The following TPST1 variants were observed in gnomAD, a reference collection of about 807,000 sequenced individuals.
The protein encoded by TPST1 is tyrosylprotein sulfotransferase 1.
In TPST1, 20 loss-of-function variants were observed where a neutral mutation model predicts 34.8. The ratio of observed to expected loss-of-function variants is 0.57; its 90% CI spans 0.40 to 0.84. The LOEUF is 0.84. TPST1 is among the 40% of genes least tolerant of loss of function. The pLI is 0.00. For synonymous variants in TPST1, 152 were observed against 159.4 expected (o/e 0.95, Z 0.35); for missense variants, 353 against 455.5 (o/e 0.78, Z 2.05).
At chr7:66,224,979 A>C (rs1789621856) in intron 1 of TPST1, among the ~76,000 whole-genome samples, 1 of 125,762 alleles carries the variant, frequency 8.0e-6, no homozygotes, top group Admixed American at 1.1e-4. Flanking sequence ...GTGCAATGGC[A>C]CGATCTTGGC....
At chr7:66,286,379 T>C in intron 2 of TPST1, 132 bp from the exon 3 acceptor site, 1 of 624,564 alleles carries the variant, frequency 1.6e-6, no homozygotes, top group Non-Finnish European at 2.4e-6. Flanking sequence ...CAAACCTGAT[T>C]AGTGCCCTCT....
At chr7:66,357,209 C>G (rs1792599330) in intron 5 of TPST1, among the ~76,000 whole-genome samples, 1 of 152,182 alleles carries the variant, frequency 6.6e-6, no homozygotes, top group Non-Finnish European at 1.5e-5. Context: ...TCAAGCCCAA[C>G]TCCCTGTTTA....
At chr7:66,228,361 G>C (rs896064171) in intron 1 of TPST1, among the ~76,000 whole-genome samples, 16 of 152,156 alleles carry the variant, frequency 1.1e-4, no homozygotes, top group African/African-American at 3.9e-4. Context: ...ATTTTTGAAA[G>C]AAGTTGAATC....
At chr7:66,333,494 A>G (rs1222670433) in intron 3 of TPST1, among the ~76,000 whole-genome samples, 1 of 152,218 alleles carries the variant, frequency 6.6e-6, no homozygotes, top group Non-Finnish European at 1.5e-5. Flanking sequence ...TAAGAAAGCA[A>G]TCTCTGTGTC....
chr7:66,265,935 C>T (rs1312938302), intron 2 of TPST1, among the ~76,000 whole-genome samples: 1 of 152,194 alleles, frequency 6.6e-6, no homozygotes, highest in Admixed American at 6.5e-5. Context: ...AGATATTCCT[C>T]ATAAACCAAA....
At chr7:66,209,144 G>A (rs1231178948) in intron 1 of TPST1, among the ~76,000 whole-genome samples, 3 of 151,968 alleles carry the variant, frequency 2.0e-5, no homozygotes, top group African/African-American at 7.2e-5. Flanking sequence ...GTGGTGGTGG[G>A]CGCCTGTAAT....
At chr7:66,352,967 C>G in intron 4 of TPST1, 1 of 985,276 alleles carries the variant, frequency 1.0e-6, no homozygotes, top group Non-Finnish European at 1.2e-6. Context: ...CATTTGGAGC[C>G]CAGATGACTT....
intron 1 of TPST1, among the ~76,000 whole-genome samples, chr7:66,213,153 T>A (rs1276482303): frequency 6.6e-6 from 1 of 152,202 alleles, no homozygotes; most frequent in African/African-American, 2.4e-5. Context: ...TCAGTACCAC[T>A]CTCTGTCTCC....
chr7:66,315,519 C>G (rs148480887), intron 3 of TPST1, among the ~76,000 whole-genome samples: 1 of 152,202 alleles, frequency 6.6e-6, no homozygotes, highest in South Asian at 2.1e-4. Context: ...AGAGCTTGAC[C>G]TCCTGGGGCA....
At chr7:66,342,489 C>A (rs1166697673) in intron 3 of TPST1, among the ~76,000 whole-genome samples, 1 of 152,104 alleles carries the variant, frequency 6.6e-6, no homozygotes, top group Non-Finnish European at 1.5e-5. Flanking sequence ...GCCTAACAGA[C>A]CTGGAGGAAG....
upstream of TPST1, among the ~76,000 whole-genome samples, chr7:66,201,298 C>A (rs1220931534): frequency 6.7e-6 from 1 of 149,896 alleles, no homozygotes; most frequent in Non-Finnish European, 1.5e-5. Flanking sequence ...AATCCCACCA[C>A]TTTGGGAGGC....
intron 3 of TPST1, among the ~76,000 whole-genome samples, chr7:66,321,302 T>A (rs1162671840): frequency 2.0e-5 from 3 of 152,232 alleles, no homozygotes; most frequent in Non-Finnish European, 4.4e-5. Context: ...TGAGCTTTTG[T>A]GTCCAGAGTT....
intron 3 of TPST1, among the ~76,000 whole-genome samples, chr7:66,305,475 C>T (rs1791403722): frequency 3.3e-5 from 5 of 152,144 alleles, no homozygotes; most frequent in East Asian, 1.9e-4. Flanking sequence ...ATAGAAAATC[C>T]TAGGTTCCAG....
At chr7:66,313,056 GAAA>G (rs57209573) in intron 3 of TPST1, among the ~76,000 whole-genome samples, 3,824 of 145,474 alleles carry the variant, frequency 0.026, 82 homozygotes, top group Middle Eastern at 0.077. Context: ...TAAGGATCCT[GAAA>G]AAAAAAAAAA....
At chr7:66,212,760 A>C (rs1562797038) in intron 1 of TPST1, among the ~76,000 whole-genome samples, 2 of 151,836 alleles carry the variant, frequency 1.3e-5, no homozygotes, top group African/African-American at 2.4e-5. Flanking sequence ...ACCTCAGTGC[A>C]TTTTCTATTT....
chr7:66,201,260 C>T (rs1054939210), upstream of TPST1, among the ~76,000 whole-genome samples: 6 of 151,458 alleles, frequency 4.0e-5, no homozygotes, highest in Non-Finnish European at 8.8e-5. Context: ...ATAGGTAATC[C>T]AGGCCAGGCG....
intron 1 of TPST1, among the ~76,000 whole-genome samples, chr7:66,231,769 G>A (rs975160575): frequency 8.5e-5 from 13 of 152,248 alleles, no homozygotes; most frequent in Non-Finnish European, 1.8e-4. Context: ...GCCTTGGCCA[G>A]CCCAGAAAGG....
At chr7:66,309,813 A>G (rs1427025416) in intron 3 of TPST1, among the ~76,000 whole-genome samples, 1 of 147,802 alleles carries the variant, frequency 6.8e-6, no homozygotes, top group Non-Finnish European at 1.5e-5. Flanking sequence ...ATTTTTTTGT[A>G]GCCAGTGATA....
the TPST1 span, among the ~76,000 whole-genome samples, chr7:66,199,389 G>A: frequency 6.8e-6 from 1 of 146,906 alleles, no homozygotes; most frequent in Admixed American, 7.1e-5. Flanking sequence ...CCACCTCCTG[G>A]GTTCAAGTGA....
Sources: gnomAD v4.1 joint callset for allele counts (sites outside exome capture counted in the v4.1 genomes callset) on GRCh38, gnomAD v4.1.1 for gene constraint, MANE v1.5 for transcripts, NCBI Gene and HGNC (gene_info 2026-07-23, HGNC 2026-07-21) for gene names.